Variants in COG1 observed in about 807,000 individuals in gnomAD.
The protein encoded by COG1 is component of oligomeric golgi complex 1.
A neutral mutation model predicts 102.2 loss-of-function variants in COG1; 61 were observed. That is an observed-to-expected ratio of 0.60 (90% confidence interval 0.49 to 0.74). The LOEUF (loss-of-function observed/expected upper bound fraction) is 0.74, where lower values mean the gene tolerates loss of function less well. Ranked by LOEUF, COG1 falls within the 30% of genes least tolerant of loss-of-function variation. The probability of loss-of-function intolerance (pLI) is 0.00; values close to 1 mark genes in which losing one functional copy is unlikely to be tolerated. For synonymous variants in COG1, 454 were observed against 493.6 expected (o/e 0.92, Z 1.06); for missense variants, 1,164 against 1,232.1 (o/e 0.94, Z 0.83).
At position 73,208,234 on chromosome 17, in the gene COG1, C is replaced by T. The variant is rs144366335; in HGVS notation, c.2806-80C>T. On this transcript the variant is annotated intron_variant, in intron 13 of 13. Transcript: ENST00000299886. ...CCGCTTGTGTGTGCCGTGTGGACTC[C>T]GAGTGGCGTCGCGCGGAGGGCGAGT... 1,888 of 1,606,640 alleles carry T rather than the reference C, an allele frequency of 1.2e-3. 13 individuals carry two copies. In the African/African-American group the frequency reaches 0.019, roughly 16 times the overall value.
In COG1 at chr17:73,193,095, C is replaced by T. The variant is rs759369353; in HGVS notation, c.26C>T (p.Ala9Val). 5 of 1,611,936 alleles carry T rather than the reference C, an allele frequency of 3.1e-6. No homozygotes were observed. The highest frequency in any genetic ancestry group is 4.2e-6 in the Non-Finnish European group (5 of 1,179,566). Reference sequence around the variant, plus strand: ...ATGGCCACCGCGGCAACCTCACCCGCGCTGAAGCGGCTGGATCTGCGCGAC... The same window carrying T: ...ATGGCCACCGCGGCAACCTCACCCGTGCTGAAGCGGCTGGATCTGCGCGAC... MATAATSP[A>V]LKRLDLRDPA... The change falls in exon 1 of 14, where the codon GCG becomes GTG. Residue 9 changes from alanine (A) to valine (V), a missense_variant. Transcript: ENST00000299886.
At chr17:73,196,813 T>G in intron 2 of COG1, 62 bp downstream of exon 2, 1 of 1,613,956 alleles carries the variant, frequency 6.2e-7, no homozygotes, top group Non-Finnish European at 8.5e-7. Context: ...TACGGGTTTA[T>G]GGCGTTTGTC....
chr17:73,208,250 G>T (rs2061392744), intron 13 of COG1, 64 bp from the exon 14 acceptor site: 1 of 1,610,044 alleles, frequency 6.2e-7, no homozygotes, highest in Middle Eastern at 2.2e-4. Flanking sequence ...GCGTCGCGCG[G>T]AGGGCGAGTG....
rs200144944 is a variant in COG1 at position 73,193,089 on chromosome 17, C to T, written c.20C>T (p.Ser7Leu). The change falls in exon 1 of 14, where the codon TCA becomes TTA. Residue 7 changes from serine to leucine, a missense_variant. Coordinates refer to ENST00000299886, the MANE Select transcript of COG1 (RefSeq NM_018714.3). Reference protein sequence around the residue: MATAATSPALKRLDLRD... With the variant: MATAATLPALKRLDLRD... ...TGCACCATGGCCACCGCGGCAACCT[C>T]ACCCGCGCTGAAGCGGCTGGATCTG... 7.9e-5 allele frequency: 127 copies of T among 1,612,054 alleles called. No homozygotes were observed. Among genetic ancestry groups the T allele is most frequent in the Non-Finnish European group, 2.0e-5 (24 of 1,179,634 alleles).
intron 1 of COG1, among the ~76,000 whole-genome samples, chr17:73,195,343 C>G (rs1039334838): frequency 4.6e-5 from 7 of 152,170 alleles, no homozygotes; most frequent in Non-Finnish European, 1.0e-4. Context: ...AATAACAGGT[C>G]AGGCGCTGTG....
intron 1 of COG1, among the ~76,000 whole-genome samples, chr17:73,195,041 A>C (rs1434176883): frequency 1.3e-5 from 2 of 152,246 alleles, no homozygotes; most frequent in Non-Finnish European, 2.9e-5. Flanking sequence ...TCCCAAAGCT[A>C]ACATTTAGTA....
chr17:73,206,392 T>A, intron 11 of COG1, 130 bp downstream of exon 11: 1 of 796,944 alleles, frequency 1.3e-6, no homozygotes, highest in Non-Finnish European at 2.2e-6. Flanking sequence ...AATAGCCGAG[T>A]GTAGTTATAA....
chr17:73,202,034 A>G (rs536424817), intron 7 of COG1, 134 bp downstream of exon 7: 74 of 1,040,438 alleles, frequency 7.1e-5, no homozygotes, highest in South Asian at 3.4e-4. Flanking sequence ...TCTCTGCCAG[A>G]AAGTTCAGTA....
rs757383278 is a variant in COG1, at chr17:73,193,104, G to T, written c.35G>T (p.Arg12Leu). 1.2e-6 allele frequency: 2 copies of T among 1,611,942 alleles called. No individual in the cohort carries two copies. Among genetic ancestry groups the T allele is most frequent in the Middle Eastern group, 1.7e-4 (1 of 6,000 alleles). ...ATAATSPALKRLDLRDPAALF... is the reference protein window; with the variant it reads ...ATAATSPALKLLDLRDPAALF... ...GCGGCAACCTCACCCGCGCTGAAGC[G>T]GCTGGATCTGCGCGACCCTGCGGCT... The change falls in exon 1 of 14, where the codon CGG becomes CTG. Residue 12 changes from arginine (R) to leucine (L), a missense_variant. Physicochemically the swap from Arg to Leu is moderately radical, Grantham distance 102. Transcript: ENST00000299886.
chr17:73,199,447 C>T (rs1457223992), intron 4 of COG1, among the ~76,000 whole-genome samples: 3 of 152,220 alleles, frequency 2.0e-5, no homozygotes, highest in Non-Finnish European at 4.4e-5. Context: ...TGTGGGGCGG[C>T]TGCCACACTC....
At chr17:73,207,474 T>TAATA (rs1029302622) in intron 13 of COG1, 19 of 664,270 alleles carry the variant, frequency 2.9e-5, no homozygotes, top group East Asian at 8.8e-5. Flanking sequence ...AGTAGCCTCT[T>TAATA]AATAGAAATG....
chr17:73,197,223 T>C lies in COG1; in HGVS notation c.743-3T>C, dbSNP rs1222828461. On this transcript the variant is annotated splice_polypyrimidine_tract_variant and splice_region_variant and intron_variant, in intron 3 of 13. Transcript: ENST00000299886. ...TTTCAAAGAGGATGGTTTCTTCTTT[T>C]AGGTGCTGGTATCAAGGCTCAGATT... 1.9e-6 allele frequency: 3 copies of C among 1,614,214 alleles called. No individual in the cohort carries two copies. The highest frequency in any genetic ancestry group is 2.2e-5 in the East Asian group (1 of 44,890).
At chr17:73,208,256 G>A (rs752683727) in intron 13 of COG1, 58 bp from the exon 14 acceptor site, 69 of 1,610,400 alleles carry the variant, frequency 4.3e-5, no homozygotes, top group Admixed American at 2.0e-4. Flanking sequence ...CGCGGAGGGC[G>A]AGTGGGCAGG....
At chr17:73,193,781 G>A (rs963128428) in intron 1 of COG1, among the ~76,000 whole-genome samples, 2 of 152,048 alleles carry the variant, frequency 1.3e-5, no homozygotes, top group African/African-American at 4.8e-5. Flanking sequence ...GTTGACACCT[G>A]CACTCCAAGT....
At position 73,196,358 on chromosome 17, in the gene COG1, T is replaced by C. The variant is rs1015296616; in HGVS notation, c.316-149T>C. On this transcript the variant is annotated intron_variant, in intron 1 of 13. Coordinates refer to ENST00000299886, the MANE Select transcript of COG1 (RefSeq NM_018714.3). ...CCTGACTCTGGCAACTCTTCTACACTGGGCTTTGATGACTTGCTGAGTTGT... is the reference window on the plus strand; with the variant it reads ...CCTGACTCTGGCAACTCTTCTACACCGGGCTTTGATGACTTGCTGAGTTGT... The C allele has an allele frequency of 1.6e-5, 18 of 1,156,562 alleles. No individual in the cohort carries two copies. The East Asian group carries it at 4.2e-4, about 27-fold the overall frequency. 71.6% of individuals were successfully genotyped at this position (1,156,562 alleles called of 1,614,324 possible). A position where few individuals can be genotyped will look rare whatever the true frequency, so the allele number is the denominator to read the frequency against.
intron 5 of COG1, 30 bp downstream of exon 5, chr17:73,200,051 C>T (rs2061340670): frequency 5.0e-6 from 8 of 1,597,454 alleles, no homozygotes; most frequent in Non-Finnish European, 6.8e-6. Context: ...TTCCCTGCAG[C>T]TGGCAGGAGC....
At chr17:73,201,045 T>C (rs75558335) in intron 6 of COG1, 64 bp from the exon 7 acceptor site, 14,851 of 1,421,284 alleles carry the variant, frequency 0.01, 95 homozygotes, top group Non-Finnish European at 0.012. Flanking sequence ...TACCATTTGG[T>C]ACTTTTGTTT....
intron 10 of COG1, 60 bp from the exon 11 acceptor site, chr17:73,206,089 GATATC>G (rs1422946502): frequency 8.0e-7 from 1 of 1,251,154 alleles, no homozygotes. Flanking sequence ...ACAGCAGTAG[GATATC>G]ATAAGATTGT....
intron 9 of COG1, among the ~76,000 whole-genome samples, chr17:73,204,962 A>T (rs928188420): frequency 6.6e-6 from 1 of 152,190 alleles, no homozygotes; most frequent in Non-Finnish European, 1.5e-5. Flanking sequence ...CAGGAGTTCG[A>T]GACCAGCCTG....
Sources: gnomAD v4.1 joint callset for allele counts (sites outside exome capture counted in the v4.1 genomes callset) on GRCh38, gnomAD v4.1.1 for gene constraint, MANE v1.5 for transcripts, NCBI Gene and HGNC (gene_info 2026-07-23, HGNC 2026-07-21) for gene names.